The following ITPR1 variants were observed in gnomAD, a reference collection of about 807,000 sequenced individuals.
The protein encoded by ITPR1 is inositol 1,4,5-trisphosphate-gated calcium channel ITPR1.
ITPR1 carries 96 observed loss-of-function variants against 318.4 expected under a neutral mutation model. That is an observed-to-expected ratio of 0.30 (90% CI 0.26 to 0.36). The LOEUF is 0.36. ITPR1 is among the 10% of genes least tolerant of loss of function. ITPR1 has a pLI of 1.00. For synonymous variants in ITPR1, 1,312 were observed against 1,289.9 expected (o/e 1.02, Z -0.37); for missense variants, 2,440 against 3,460.2 (o/e 0.71, Z 7.40).
intron 38 of ITPR1, 186 bp from the exon 39 acceptor site, chr3:4,711,571 T>C: frequency 1.8e-6 from 1 of 560,140 alleles, no homozygotes; most frequent in South Asian, 2.4e-5. Flanking sequence ...CCAGCAGGTG[T>C]CACTATTGAG....
chr3:4,781,221 A>G (rs2046816569), intron 49 of ITPR1, among the ~76,000 whole-genome samples: 3 of 152,230 alleles, frequency 2.0e-5, no homozygotes, highest in African/African-American at 4.8e-5. Flanking sequence ...TTGGTATTAG[A>G]TAATGACAAA....
rs149366907 is a variant in ITPR1 at position 4,734,326 on chromosome 3, A to C, written c.5354-838A>C. On this transcript the variant is annotated intron_variant, in intron 43 of 61. Transcript: ENST00000649015. ...TGACAGGGATTTGGAAATGCAAGAC[A>C]GACTCTGCTCTGAGAAGCTGTAGCA... Among the ~76,000 whole-genome samples, 1,034 of 152,358 alleles carry C rather than the reference A, an allele frequency of 6.8e-3. 5 individuals carry two copies. Among genetic ancestry groups the C allele is most frequent in the Middle Eastern group, 0.024 (7 of 294 alleles).
intron 38 of ITPR1, among the ~76,000 whole-genome samples, chr3:4,711,122 A>G (rs1265618232): frequency 6.6e-6 from 1 of 151,126 alleles, no homozygotes; most frequent in Non-Finnish European, 1.5e-5. Context: ...GAGGCAGGGG[A>G]ATCACTTGAA....
intron 2 of ITPR1, among the ~76,000 whole-genome samples, chr3:4,507,188 C>T (rs1376056766): frequency 6.7e-6 from 1 of 149,190 alleles, no homozygotes; most frequent in Non-Finnish European, 1.5e-5. Flanking sequence ...TTTCTGTCTT[C>T]AGTCTGTTGT....
At chr3:4,820,609 C>T (rs2049636324) in intron 60 of ITPR1, among the ~76,000 whole-genome samples, 1 of 152,200 alleles carries the variant, frequency 6.6e-6, no homozygotes, top group East Asian at 1.9e-4. Flanking sequence ...TCTCCATCCA[C>T]ATCATTCTTT....
At chr3:4,606,329 T>C (rs1194385208) in intron 4 of ITPR1, among the ~76,000 whole-genome samples, 1 of 152,056 alleles carries the variant, frequency 6.6e-6, no homozygotes, top group East Asian at 1.9e-4. Context: ...GCAGGATAGA[T>C]GAAGGGTGTC....
At chr3:4,745,090 TCTCA>T (rs1480440830) in intron 44 of ITPR1, among the ~76,000 whole-genome samples, 4 of 149,036 alleles carry the variant, frequency 2.7e-5, no homozygotes, top group East Asian at 3.9e-4. Context: ...TCTCTCTCTT[TCTCA>T]CTGTCTTTTT....
Position 4,842,010 on chromosome 3 carries a change from C to T in ITPR1, c.8191-4129C>T, listed in dbSNP as rs553713500. Among the ~76,000 whole-genome samples, 77 of 152,348 alleles carry T rather than the reference C, an allele frequency of 5.1e-4. 2 individuals are homozygous for T. The South Asian group carries it at 0.015, about 30-fold the overall frequency. On this transcript the variant is annotated intron_variant, in intron 61 of 61. Coordinates refer to ENST00000649015, the MANE Select transcript of ITPR1 (RefSeq NM_001378452.1). The stretch of plus-strand genomic sequence containing the variant: ...CTGAGTAACCAAGACCTTCCTGTAA[C>T]ATGAAAGCAGCTTTTCAAAGACTAT...
intron 18 of ITPR1, 63 bp from the exon 19 acceptor site, chr3:4,669,591 G>A (rs1165104533): frequency 1.3e-6 from 2 of 1,510,352 alleles, no homozygotes; most frequent in African/African-American, 2.8e-5. Flanking sequence ...AGGAAGAATT[G>A]GGGTCCAGGA....
intron 4 of ITPR1, among the ~76,000 whole-genome samples, chr3:4,625,841 G>A (rs2092809206): frequency 1.3e-5 from 2 of 152,234 alleles, no homozygotes; most frequent in Non-Finnish European, 2.9e-5. Context: ...ACAGGCGTGA[G>A]CCACCGCATC....
chr3:4,521,694 C>T (rs952549252), intron 4 of ITPR1, among the ~76,000 whole-genome samples: 1 of 152,116 alleles, frequency 6.6e-6, no homozygotes, highest in African/African-American at 2.4e-5. Context: ...CATGGTGAAA[C>T]ACTGTCTCTA....
At chr3:4,609,192 T>A (rs2091931987) in intron 4 of ITPR1, among the ~76,000 whole-genome samples, 1 of 149,854 alleles carries the variant, frequency 6.7e-6, no homozygotes, top group South Asian at 2.1e-4. Context: ...CTTGAGAATC[T>A]CTACTATGAT....
chr3:4,796,199 T>C (rs146154839), intron 53 of ITPR1, among the ~76,000 whole-genome samples: 255 of 152,302 alleles, frequency 1.7e-3, no homozygotes, highest in Non-Finnish European at 2.8e-3. Context: ...AGTTACCCTT[T>C]TGAGGAGTTA....
At chr3:4,759,800 G>C (rs1228238668) in intron 44 of ITPR1, among the ~76,000 whole-genome samples, 1 of 152,196 alleles carries the variant, frequency 6.6e-6, no homozygotes, top group East Asian at 1.9e-4. Flanking sequence ...GCAGAGTTCT[G>C]TGATCTGTGT....
At chr3:4,830,185 G>T (rs971470610) in intron 60 of ITPR1, among the ~76,000 whole-genome samples, 6 of 151,528 alleles carry the variant, frequency 4.0e-5, no homozygotes, top group Non-Finnish European at 5.9e-5. Flanking sequence ...TATGTTGGCC[G>T]GGTTGGTCTC....
chr3:4,739,889 G>A (rs1575081152), intron 44 of ITPR1, among the ~76,000 whole-genome samples: 1 of 152,238 alleles, frequency 6.6e-6, no homozygotes, highest in South Asian at 2.1e-4. Flanking sequence ...AGCTCAGCTG[G>A]GGGTACTGCC....
chr3:4,612,063 C>CTTT lies in ITPR1; in HGVS notation c.164-15682_164-15680dup, dbSNP rs34678180. ...TATAGCATAACAAGTGTATCAGGCCCTTTTTTTTTTTTTTTTTTTTGAGAT... is the reference window on the plus strand; with the variant it reads ...TATAGCATAACAAGTGTATCAGGCCCTTTTTTTTTTTTTTTTTTTTTTTGAGAT... On this transcript the variant is annotated intron_variant, in intron 4 of 61. Transcript: ENST00000649015. Among the ~76,000 whole-genome samples, 231 of 108,536 alleles carry CTTT rather than the reference C, an allele frequency of 2.1e-3. 5 individuals carry two copies. Among genetic ancestry groups the CTTT allele is most frequent in the Admixed American group, 3.7e-3 (31 of 8,320 alleles). The allele number at this position is 108,536 out of a possible 152,430, so 71.2% of individuals were successfully genotyped here. A position where few individuals can be genotyped will look rare whatever the true frequency, so the allele number is the denominator to read the frequency against.
chr3:4,602,526 CAGAA>C (rs2125084779), intron 4 of ITPR1, among the ~76,000 whole-genome samples: 1 of 33,096 alleles, frequency 3.0e-5, no homozygotes, highest in African/African-American at 1.3e-4. Flanking sequence ...GAGACCCTCT[CAGAA>C]AAAAAAAAAA....
chr3:4,683,376 G>A lies in ITPR1; in HGVS notation c.3162-10G>A. 3 of 1,613,968 alleles carry A rather than the reference G, an allele frequency of 1.9e-6. No homozygotes were observed. The highest frequency in any genetic ancestry group is 1.6e-4 in the Middle Eastern group (1 of 6,062). ...TTCATTTGGCCTTTCCCCACCTTGT[G>A]CTCCTTTAGTGAGGAGAACACCCCA... On this transcript the variant is annotated splice_polypyrimidine_tract_variant and intron_variant, in intron 26 of 61. Coordinates refer to ENST00000649015, the MANE Select transcript of ITPR1 (RefSeq NM_001378452.1).
Sources: gnomAD v4.1 joint callset for allele counts (sites outside exome capture counted in the v4.1 genomes callset) on GRCh38, gnomAD v4.1.1 for gene constraint, MANE v1.5 for transcripts, NCBI Gene and HGNC (gene_info 2026-07-23, HGNC 2026-07-21) for gene names.